The following MERTK variants were observed in gnomAD, a reference collection of about 807,000 sequenced individuals.
MERTK encodes MER proto-oncogene, tyrosine kinase.
A neutral mutation model predicts 99.3 loss-of-function variants in MERTK; 69 were observed. That is an observed-to-expected ratio of 0.70 (90% CI 0.57 to 0.85). MERTK has a LOEUF of 0.85. MERTK is among the 40% of genes least tolerant of loss of function. The pLI, the probability that MERTK is intolerant of heterozygous loss-of-function variation, is 0.00. For missense variants in MERTK, 1,125 were observed against 1,249.4 expected (o/e 0.90, Z 1.50); for synonymous variants, 426 against 467.6 (o/e 0.91, Z 1.15).
intron 8 of MERTK, among the ~76,000 whole-genome samples, chr2:111,990,184 G>T (rs1032563398): frequency 6.6e-6 from 1 of 151,930 alleles, no homozygotes; most frequent in South Asian, 2.1e-4. Flanking sequence ...TACATACTTG[G>T]CACCAAAACA....
chr2:111,956,971 A>T (rs1685160544), intron 4 of MERTK, among the ~76,000 whole-genome samples: 1 of 141,284 alleles, frequency 7.1e-6, no homozygotes, highest in Admixed American at 7.3e-5. Flanking sequence ...TATGTCACCC[A>T]GGCTGGAGTG....
chr2:111,953,502 A>G (rs1685092357), intron 4 of MERTK, among the ~76,000 whole-genome samples: 1 of 152,196 alleles, frequency 6.6e-6, no homozygotes, highest in African/African-American at 2.4e-5. Context: ...TATTCAAGCC[A>G]GAAACCTGAA....
intron 4 of MERTK, 47 bp from the exon 5 acceptor site, chr2:111,965,144 C>A: frequency 6.6e-7 from 1 of 1,523,754 alleles, no homozygotes; most frequent in Non-Finnish European, 9.1e-7. Flanking sequence ...TAGTGAACAG[C>A]AGCCTGTTTC....
chr2:111,911,118 G>C (rs1046705444), intron 1 of MERTK, among the ~76,000 whole-genome samples: 3 of 152,126 alleles, frequency 2.0e-5, no homozygotes, highest in Non-Finnish European at 4.4e-5. Flanking sequence ...TGCTAGCTGG[G>C]CAAGTTGCCA....
chr2:111,907,932 C>T lies in MERTK; in HGVS notation c.61+9136C>T, dbSNP rs577899853. Among the ~76,000 whole-genome samples, 17 of 152,130 alleles carry T rather than the reference C, an allele frequency of 1.1e-4. No homozygotes were observed. The East Asian group carries it at 2.9e-3, about 26-fold the overall frequency. ...GGTAGAAGCTCAGGTTCCCAGGACCCGTGGACTCAATCTTTGGGGCTGTGG... is the reference window on the plus strand; with the variant it reads ...GGTAGAAGCTCAGGTTCCCAGGACCTGTGGACTCAATCTTTGGGGCTGTGG... On this transcript the variant is annotated intron_variant, in intron 1 of 18. Transcript: ENST00000295408.
chr2:112,006,892 AAAG>A (rs138575760), intron 13 of MERTK, among the ~76,000 whole-genome samples: 9,944 of 151,828 alleles, frequency 0.065, 403 homozygotes, highest in African/African-American at 0.11. Context: ...CCTTCAGTAG[AAAG>A]AAGATTAATA....
At chr2:112,015,682 C>T (rs1677203276) in intron 15 of MERTK, 1 of 151,870 alleles carries the variant, frequency 6.6e-6, no homozygotes. Flanking sequence ...TGATAAAGCC[C>T]AATTTATCAG....
intron 1 of MERTK, among the ~76,000 whole-genome samples, chr2:111,904,447 G>A (rs1382114469): frequency 6.6e-6 from 1 of 151,360 alleles, no homozygotes; most frequent in Non-Finnish European, 1.5e-5. Context: ...CGCGATCTCG[G>A]CTCACTGCAA....
At chr2:112,025,441 C>G (rs1677443628) in intron 18 of MERTK, among the ~76,000 whole-genome samples, 1 of 152,186 alleles carries the variant, frequency 6.6e-6, no homozygotes, top group Admixed American at 6.5e-5. Context: ...CAGAGCTGGC[C>G]CTGCCTCTTG....
intron 4 of MERTK, among the ~76,000 whole-genome samples, chr2:111,959,405 C>T (rs919376780): frequency 6.6e-6 from 1 of 152,178 alleles, no homozygotes; most frequent in African/African-American, 2.4e-5. Flanking sequence ...TGTCTGGAAT[C>T]ACCACTATGA....
intron 8 of MERTK, among the ~76,000 whole-genome samples, chr2:111,983,523 C>T (rs1380929770): frequency 6.6e-6 from 1 of 152,198 alleles, no homozygotes; most frequent in African/African-American, 2.4e-5. Context: ...CAGCTGCGGG[C>T]AAGCCGAAAT....
chr2:112,027,308 G>GTA (rs199785426), intron 18 of MERTK, among the ~76,000 whole-genome samples: 15,545 of 149,730 alleles, frequency 0.1, 978 homozygotes, highest in African/African-American at 0.19. Context: ...GTGTGTGTGT[G>GTA]TGTATATATA....
chr2:111,938,827 C>G (rs1373441857), intron 2 of MERTK, among the ~76,000 whole-genome samples: 2 of 152,110 alleles, frequency 1.3e-5, no homozygotes, highest in Non-Finnish European at 2.9e-5. Context: ...ATGGAGATTA[C>G]CCATCTCTTG....
At position 112,029,062 on chromosome 2, in the gene MERTK, A is replaced by G; in HGVS notation, c.*198A>G. On this transcript the variant is annotated 3_prime_UTR_variant, in exon 19 of 19. Transcript: ENST00000295408. ...TTATTTAAAGAGAAAAAATATGTGT[A>G]TATCATGGAAAAAGACAAGGATATT... 3 of 1,308,876 alleles carry G rather than the reference A, an allele frequency of 2.3e-6. No homozygotes were observed. The highest frequency in any genetic ancestry group is 2.2e-5 in the South Asian group (1 of 46,368). 81.1% of individuals were successfully genotyped at this position (1,308,876 alleles called of 1,614,324 possible). A position where few individuals can be genotyped will look rare whatever the true frequency, so the allele number is the denominator to read the frequency against.
At chr2:111,967,441 AAG>A (rs1685377989) in intron 5 of MERTK, among the ~76,000 whole-genome samples, 1 of 152,156 alleles carries the variant, frequency 6.6e-6, no homozygotes, top group Non-Finnish European at 1.5e-5. Context: ...ACAAAGAAAT[AAG>A]ATTCCCCAAA....
At chr2:111,973,117 G>C (rs1393647802) in intron 6 of MERTK, among the ~76,000 whole-genome samples, 2 of 152,080 alleles carry the variant, frequency 1.3e-5, no homozygotes, top group Admixed American at 6.6e-5. Flanking sequence ...GCCACTTCAT[G>C]CCTGTTTTCC....
chr2:111,962,617 C>T (rs1368812724), intron 4 of MERTK, among the ~76,000 whole-genome samples: 1 of 152,170 alleles, frequency 6.6e-6, no homozygotes, highest in African/African-American at 2.4e-5. Flanking sequence ...TAGCATTTTA[C>T]ATTGGTGTGG....
intron 1 of MERTK, among the ~76,000 whole-genome samples, chr2:111,918,466 G>A (rs1022090175): frequency 2.6e-5 from 4 of 152,042 alleles, no homozygotes; most frequent in East Asian, 3.9e-4. Context: ...TTGGGCCTCC[G>A]GCAGTATCAA....
intron 10 of MERTK, among the ~76,000 whole-genome samples, chr2:112,000,644 T>C (rs932654447): frequency 6.6e-6 from 1 of 152,222 alleles, no homozygotes; most frequent in Non-Finnish European, 1.5e-5. Context: ...TGTATCACTG[T>C]TGATGTTGAC....
Sources: gnomAD v4.1 joint callset for allele counts (sites outside exome capture counted in the v4.1 genomes callset) on GRCh38, gnomAD v4.1.1 for gene constraint, MANE v1.5 for transcripts, NCBI Gene and HGNC (gene_info 2026-07-23, HGNC 2026-07-21) for gene names.